The following LRRC4C variants were observed in gnomAD, a reference collection of about 807,000 sequenced individuals.
LRRC4C encodes the protein leucine rich repeat containing 4C.
LRRC4C carries 5 observed loss-of-function variants against 33.6 expected under a neutral mutation model. That is an observed-to-expected ratio of 0.15 (90% CI 0.08 to 0.31). The LOEUF (loss-of-function observed/expected upper bound fraction) is 0.31, where lower values mean the gene tolerates loss of function less well. Among genes scored for constraint, LRRC4C ranks in the 10% least tolerant of loss-of-function variants. The pLI, the probability that LRRC4C is intolerant of heterozygous loss-of-function variation, is 1.00. For synonymous variants in LRRC4C, 329 were observed against 302.0 expected, an observed-to-expected ratio of 1.09 and a Z score of -0.93; for missense variants, 560 against 796.7, an observed-to-expected ratio of 0.70 and a Z score of 3.58.
At chr11:41,064,515 G>C (rs1336917254) in intron 1 of LRRC4C, among the ~76,000 whole-genome samples, 1 of 152,212 alleles carries the variant, frequency 6.6e-6, no homozygotes, top group Non-Finnish European at 1.5e-5. Context: ...AAGCCATAGA[G>C]AAATATAGTA....
chr11:40,806,546 T>C (rs763682934), intron 2 of LRRC4C, among the ~76,000 whole-genome samples: 1 of 152,172 alleles, frequency 6.6e-6, no homozygotes, highest in Non-Finnish European at 1.5e-5. Flanking sequence ...ATCGGGACAG[T>C]CACAATGACC....
intron 4 of LRRC4C, among the ~76,000 whole-genome samples, chr11:40,254,784 CAAAA>C (rs1284824492): frequency 6.6e-6 from 1 of 152,012 alleles, no homozygotes; most frequent in Non-Finnish European, 1.5e-5. Context: ...AAGAGACAAT[CAAAA>C]AATGAGTAAG....
intron 1 of LRRC4C, among the ~76,000 whole-genome samples, chr11:41,356,909 G>A (rs1368278306): frequency 2.0e-5 from 3 of 152,008 alleles, no homozygotes; most frequent in African/African-American, 2.4e-5. Context: ...TCTGGCCAAC[G>A]TTTCCCTCAA....
intron 1 of LRRC4C, among the ~76,000 whole-genome samples, chr11:41,371,243 C>T (rs912248640): frequency 6.6e-6 from 1 of 152,162 alleles, no homozygotes; most frequent in Non-Finnish European, 1.5e-5. Context: ...CAATTTATTA[C>T]ATTTGATTCA....
chr11:41,248,369 T>A (rs561655830), intron 1 of LRRC4C, among the ~76,000 whole-genome samples: 1 of 152,318 alleles, frequency 6.6e-6, no homozygotes, highest in African/African-American at 2.4e-5. Context: ...TCTTGATGAA[T>A]CACACTCTTC....
At chr11:41,137,464 T>C (rs986157795) in intron 1 of LRRC4C, among the ~76,000 whole-genome samples, 1 of 152,170 alleles carries the variant, frequency 6.6e-6, no homozygotes, top group Non-Finnish European at 1.5e-5. Flanking sequence ...ATGAATAGCA[T>C]GGTATGAAAA....
chr11:40,502,272 A>G (rs1307845516), intron 3 of LRRC4C, among the ~76,000 whole-genome samples: 2 of 152,104 alleles, frequency 1.3e-5, no homozygotes, highest in Admixed American at 1.3e-4. Context: ...AAATGTTCCA[A>G]TCTTTGCCTG....
chr11:40,829,680 C>T (rs1215893788), intron 2 of LRRC4C, among the ~76,000 whole-genome samples: 2 of 151,936 alleles, frequency 1.3e-5, no homozygotes, highest in African/African-American at 4.8e-5. Context: ...GTAAAAAATT[C>T]TATTCTGCTA....
At chr11:40,412,291 A>G (rs1565362827) in intron 3 of LRRC4C, among the ~76,000 whole-genome samples, 1 of 152,108 alleles carries the variant, frequency 6.6e-6, no homozygotes, top group African/African-American at 2.4e-5. Context: ...TTACAAAAGG[A>G]TGACACATTC....
At chr11:40,240,156 T>A (rs543894104) in intron 5 of LRRC4C, among the ~76,000 whole-genome samples, 3 of 152,296 alleles carry the variant, frequency 2.0e-5, no homozygotes, top group African/African-American at 7.2e-5. Flanking sequence ...TATTTGCTTT[T>A]CGCACCCTGT....
intron 3 of LRRC4C, among the ~76,000 whole-genome samples, chr11:40,588,130 A>G (rs1438611460): frequency 6.6e-6 from 1 of 151,440 alleles, no homozygotes; most frequent in Non-Finnish European, 1.5e-5. Context: ...TTGGTAAGCT[A>G]TTGATTATTG....
At chr11:40,493,785 T>C (rs1954283596) in intron 3 of LRRC4C, among the ~76,000 whole-genome samples, 2 of 152,154 alleles carry the variant, frequency 1.3e-5, no homozygotes, top group Admixed American at 1.3e-4. Context: ...TAAGTGCATT[T>C]AGGTGGAACG....
intron 3 of LRRC4C, among the ~76,000 whole-genome samples, chr11:40,444,273 G>C (rs1951525607): frequency 6.6e-6 from 1 of 151,664 alleles, no homozygotes; most frequent in African/African-American, 2.4e-5. Context: ...TTTTAGCTAA[G>C]GAAGCCTAAT....
At chr11:40,596,706 G>A (rs1959354647) in intron 3 of LRRC4C, among the ~76,000 whole-genome samples, 1 of 151,814 alleles carries the variant, frequency 6.6e-6, no homozygotes, top group African/African-American at 2.4e-5. Context: ...CTAAGATCAT[G>A]TGAAATTTGT....
chr11:40,734,084 AAC>A (rs1947737391), intron 2 of LRRC4C, among the ~76,000 whole-genome samples: 1 of 152,182 alleles, frequency 6.6e-6, no homozygotes, highest in Non-Finnish European at 1.5e-5. Flanking sequence ...ATTGTCAGAA[AAC>A]TAAATCTTTT....
At chr11:41,229,707 G>C (rs1947697548) in intron 1 of LRRC4C, among the ~76,000 whole-genome samples, 1 of 152,022 alleles carries the variant, frequency 6.6e-6, no homozygotes, top group Non-Finnish European at 1.5e-5. Context: ...ATGATCTCCT[G>C]TCTCAATGTT....
intron 1 of LRRC4C, among the ~76,000 whole-genome samples, chr11:41,102,548 TC>T (rs1941253887): frequency 6.6e-6 from 1 of 152,008 alleles, no homozygotes; most frequent in East Asian, 1.9e-4. Flanking sequence ...TATAGAAAAA[TC>T]ATCACGTAAA....
chr11:40,866,297 C>G (rs1020570922), intron 2 of LRRC4C, among the ~76,000 whole-genome samples: 2 of 151,580 alleles, frequency 1.3e-5, no homozygotes, highest in Non-Finnish European at 2.9e-5. Context: ...AAAGATATTT[C>G]CTTTTAACAA....
chr11:40,313,840 C>G (rs1590284086), intron 4 of LRRC4C, among the ~76,000 whole-genome samples: 1 of 151,890 alleles, frequency 6.6e-6, no homozygotes, highest in South Asian at 2.1e-4. Flanking sequence ...GTCTCGATCT[C>G]TTGACCTCGT....
Sources: allele counts gnomAD v4.1 joint callset (sites outside exome capture counted in the v4.1 genomes callset), GRCh38; gene constraint gnomAD v4.1.1; transcripts MANE v1.5; gene names NCBI Gene and HGNC (gene_info 2026-07-23, HGNC 2026-07-21).